LMO7: variants seen among roughly 807,000 people sequenced by gnomAD.
The protein encoded by LMO7 is LIM domain only protein 7.
In LMO7, 120 loss-of-function variants were observed where a neutral mutation model predicts 206.5. That is an observed-to-expected ratio of 0.58 (90% CI 0.50 to 0.68). The LOEUF (loss-of-function observed/expected upper bound fraction) is 0.68, where lower values mean the gene tolerates loss of function less well. Among genes scored for constraint, LMO7 ranks in the 30% least tolerant of loss-of-function variants. LMO7 has a pLI of 0.00. For synonymous variants in LMO7, 706 were observed against 681.5 expected, an observed-to-expected ratio of 1.04 and a Z score of -0.56; for missense variants, 1,959 against 1,957.9, an observed-to-expected ratio of 1.00 and a Z score of -0.01.
intron 1 of LMO7, among the ~76,000 whole-genome samples, chr13:75,649,398 A>G (rs9593108): frequency 4.9e-4 from 75 of 152,338 alleles, no homozygotes; most frequent in Middle Eastern, 3.4e-3. Context: ...TCTTAAGGGA[A>G]GCACTGATTT....
At chr13:75,838,651 G>C (rs1447537078) in intron 20 of LMO7, among the ~76,000 whole-genome samples, 1 of 152,144 alleles carries the variant, frequency 6.6e-6, no homozygotes, top group Non-Finnish European at 1.5e-5. Flanking sequence ...TGTTAATAAA[G>C]AAGAGTTATT....
chr13:75,621,036 T>TG (rs2138631955), exon 1 of LMO7: 1 of 152,350 alleles, frequency 6.6e-6, no homozygotes, highest in East Asian at 1.9e-4. Flanking sequence ...CTCTGAGTTG[T>TG]CTTAGGCAAA....
intron 1 of LMO7, among the ~76,000 whole-genome samples, chr13:75,696,007 G>A (rs977470946): frequency 1.3e-5 from 2 of 152,200 alleles, no homozygotes; most frequent in Non-Finnish European, 2.9e-5. Flanking sequence ...GTGCCAGCAG[G>A]TGGCAGCAGA....
At chr13:75,732,038 C>A (rs997892640) in intron 3 of LMO7, among the ~76,000 whole-genome samples, 3 of 152,146 alleles carry the variant, frequency 2.0e-5, no homozygotes, top group African/African-American at 7.2e-5. Context: ...CCCGTCCTTT[C>A]TCTCTGGCTG....
Position 75,751,375 on chromosome 13 carries a change from T to G in LMO7, c.211-9557T>G, listed in dbSNP as rs563292402. Among the ~76,000 whole-genome samples, 44 of 152,108 alleles carry G rather than the reference T, an allele frequency of 2.9e-4. No homozygotes were observed. The South Asian group carries it at 4.2e-3, about 14-fold the overall frequency. ...CAGGGTTTCACCATGTTAGTTAGGATGGTTTCGATCTCCTGACCTTGTGAT... is the reference window on the plus strand; with the variant it reads ...CAGGGTTTCACCATGTTAGTTAGGAGGGTTTCGATCTCCTGACCTTGTGAT... On this transcript the variant is annotated intron_variant, in intron 3 of 30. Coordinates refer to ENST00000377534, the MANE Select transcript of LMO7 (RefSeq NM_001306080.2).
chr13:75,781,121 C>CTTTTTT (rs34454462), intron 4 of LMO7, among the ~76,000 whole-genome samples: 30 of 59,524 alleles, frequency 5.0e-4, no homozygotes, highest in Admixed American at 1.1e-3. Context: ...TTTTTTTTTG[C>CTTTTTT]TTTTTTTTTT....
At chr13:75,686,548 C>CTTTTTTTTTT (rs2041017999) in intron 1 of LMO7, among the ~76,000 whole-genome samples, 1 of 109,474 alleles carries the variant, frequency 9.1e-6, no homozygotes, top group African/African-American at 3.3e-5. Context: ...TTTTTTTAAA[C>CTTTTTTTTTT]TCTCTGTAAG....
chr13:75,838,341 C>T, intron 20 of LMO7, 145 bp downstream of exon 20: 1 of 1,521,236 alleles, frequency 6.6e-7, no homozygotes, highest in Non-Finnish European at 8.8e-7. Context: ...TCCATTCTTT[C>T]CCTAGGGTCA....
intron 3 of LMO7, among the ~76,000 whole-genome samples, chr13:75,746,309 G>C (rs553619157): frequency 1.3e-5 from 2 of 152,206 alleles, no homozygotes; most frequent in Non-Finnish European, 2.9e-5. Flanking sequence ...TTTAAATGTT[G>C]TTCCCTGGCA....
chr13:75,851,329 A>G (rs1422898865), intron 27 of LMO7, among the ~76,000 whole-genome samples: 1 of 152,232 alleles, frequency 6.6e-6, no homozygotes, highest in Non-Finnish European at 1.5e-5. Flanking sequence ...ACACAAGCAC[A>G]TTGCATATGT....
rs2058814288 is a variant in LMO7 at position 75,833,064 on chromosome 13, A to G, written c.2963A>G (p.Asp988Gly). 11 of 1,600,862 alleles carry G rather than the reference A, an allele frequency of 6.9e-6. No homozygotes were observed. The highest frequency in any genetic ancestry group is 9.4e-6 in the Non-Finnish European group (11 of 1,168,304). ...EVSRSQDQFSDMRISINQTPG... is the reference protein window; with the variant it reads ...EVSRSQDQFSGMRISINQTPG... ...TTTTGTTTTCAGGATCAGTTCAGTG[A>G]TATGAGAATCAGCATAAACCAGACG... The change falls in exon 16 of 31, where the codon GAT becomes GGT. Residue 988 changes from aspartate to glycine, a missense_variant. Asp to Gly is a moderately conservative substitution (Grantham distance 94). Transcript: ENST00000377534.
intron 1 of LMO7, among the ~76,000 whole-genome samples, chr13:75,705,248 T>C (rs903524088): frequency 5.9e-5 from 9 of 152,076 alleles, no homozygotes; most frequent in Non-Finnish European, 1.3e-4. Context: ...CCCAGAGGAG[T>C]CGAAATGCCT....
intron 1 of LMO7, among the ~76,000 whole-genome samples, chr13:75,695,440 G>A (rs949715063): frequency 6.6e-5 from 10 of 152,164 alleles, no homozygotes; most frequent in Admixed American, 1.3e-4. Context: ...TCCGCCTCCC[G>A]GGTTCAAGCG....
chr13:75,743,862 C>A (rs1274850717), intron 3 of LMO7, among the ~76,000 whole-genome samples: 1 of 152,024 alleles, frequency 6.6e-6, no homozygotes, highest in Non-Finnish European at 1.5e-5. Flanking sequence ...AAAAACCCCA[C>A]GAAAACACAC....
At chr13:75,713,277 A>T in intron 2 of LMO7, 25 bp downstream of exon 2, 1 of 1,554,548 alleles carries the variant, frequency 6.4e-7, no homozygotes, top group Middle Eastern at 1.7e-4. Flanking sequence ...TATTTAAAAA[A>T]TAATTCAAAA....
chr13:75,824,817 G>A (rs1595333969), intron 15 of LMO7, among the ~76,000 whole-genome samples: 1 of 151,776 alleles, frequency 6.6e-6, no homozygotes, highest in African/African-American at 2.4e-5. Flanking sequence ...ATTAGTATTA[G>A]AGTGTGTGTG....
chr13:75,687,138 T>C (rs1009585871), intron 1 of LMO7, among the ~76,000 whole-genome samples: 1 of 152,230 alleles, frequency 6.6e-6, no homozygotes, highest in Non-Finnish European at 1.5e-5. Context: ...ATGAAGGGTA[T>C]TATCCCTGTC....
At chr13:75,848,623 A>G (rs952627579) in intron 26 of LMO7, among the ~76,000 whole-genome samples, 6 of 143,808 alleles carry the variant, frequency 4.2e-5, no homozygotes, top group African/African-American at 1.6e-4. Context: ...TACCCAGTAT[A>G]TATATATATA....
At chr13:75,641,676 A>G (rs1394354647) in intron 1 of LMO7, among the ~76,000 whole-genome samples, 2 of 152,006 alleles carry the variant, frequency 1.3e-5, no homozygotes, top group Non-Finnish European at 2.9e-5. Flanking sequence ...GTTTTCTGAG[A>G]CAGGAACTCA....
Sources: gnomAD v4.1 joint callset for allele counts (sites outside exome capture counted in the v4.1 genomes callset) on GRCh38, gnomAD v4.1.1 for gene constraint, MANE v1.5 for transcripts, NCBI Gene and HGNC (gene_info 2026-07-23, HGNC 2026-07-21) for gene names.